Variants in PPP2R2B observed in about 807,000 individuals in gnomAD.
PPP2R2B encodes protein phosphatase 2 regulatory subunit Bbeta, also known as serine/threonine-protein phosphatase 2A 55 kDa regulatory subunit B beta isoform.
PPP2R2B carries 5 observed loss-of-function variants against 46.0 expected under a neutral mutation model. The observed-to-expected ratio is 0.11, with a 90% CI of 0.06 to 0.23. PPP2R2B has a LOEUF of 0.23. PPP2R2B is among the 10% of genes least tolerant of loss of function. The probability of loss-of-function intolerance (pLI) is 1.00; values close to 1 mark genes in which losing one functional copy is unlikely to be tolerated. For missense variants in PPP2R2B, 367 were observed against 575.0 expected (o/e 0.64, Z 3.70); for synonymous variants, 215 against 206.7 (o/e 1.04, Z -0.34).
chr5:146,746,197 T>C (rs1753182032), intron 2 of PPP2R2B, among the ~76,000 whole-genome samples: 1 of 152,182 alleles, frequency 6.6e-6, no homozygotes, highest in South Asian at 2.1e-4. Flanking sequence ...TCCACCACTG[T>C]GCATAATCCT....
chr5:146,624,958 A>G (rs1268408580), intron 7 of PPP2R2B, among the ~76,000 whole-genome samples: 1 of 152,164 alleles, frequency 6.6e-6, no homozygotes, highest in African/African-American at 2.4e-5. Context: ...CTAAATCTCA[A>G]TCTTATTTAT....
rs377160450 is a variant in PPP2R2B, at chr5:146,684,211, C to G, written c.447+6917G>C. 5.9e-5 allele frequency among the ~76,000 whole-genome samples: 9 copies of G among 152,204 alleles called. No homozygotes were observed. The East Asian group carries it at 1.7e-3, about 29-fold the overall frequency. ...AAGCCCCCAGAGCAGCAATAAATCA[C>G]AAAATGAAGTCTAAAAAAATTAAAA... On this transcript the variant is annotated intron_variant, in intron 5 of 9. Coordinates refer to ENST00000394411, the MANE Select transcript of PPP2R2B (RefSeq NM_181675.4).
chr5:146,913,140 T>C (rs1763252802), intron 1 of PPP2R2B, among the ~76,000 whole-genome samples: 1 of 152,230 alleles, frequency 6.6e-6, no homozygotes, highest in African/African-American at 2.4e-5. Context: ...TGAGTTTATA[T>C]TCGGCGGAAA....
intron 2 of PPP2R2B, among the ~76,000 whole-genome samples, chr5:146,781,131 G>GAT (rs56697862): frequency 0.02 from 1,002 of 49,178 alleles, 27 homozygotes; most frequent in African/African-American, 0.021. Flanking sequence ...ATGCCACCAT[G>GAT]ATATATATAT....
intron 1 of PPP2R2B, among the ~76,000 whole-genome samples, chr5:146,931,725 G>A (rs2151822368): frequency 6.6e-6 from 1 of 152,230 alleles, no homozygotes; most frequent in East Asian, 1.9e-4. Context: ...TCCAAAGTGA[G>A]GTTTGAGAAA....
At chr5:147,005,671 CAGAG>C (rs750474374) in intron 1 of PPP2R2B, among the ~76,000 whole-genome samples, 4 of 150,372 alleles carry the variant, frequency 2.7e-5, no homozygotes, top group African/African-American at 7.3e-5. Flanking sequence ...GACAGGAAGT[CAGAG>C]AGAGAGAGGA....
chr5:146,768,557 A>G (rs1056043845), intron 2 of PPP2R2B, among the ~76,000 whole-genome samples: 1 of 152,132 alleles, frequency 6.6e-6, no homozygotes, highest in African/African-American at 2.4e-5. Context: ...CTTATTTTGC[A>G]TCCTTTTTCC....
At chr5:146,705,776 C>T (rs1779800740) in intron 2 of PPP2R2B, among the ~76,000 whole-genome samples, 1 of 152,020 alleles carries the variant, frequency 6.6e-6, no homozygotes, top group Admixed American at 6.6e-5. Context: ...CTGGTTATGG[C>T]CAAACCCAAA....
rs916138977 is a variant in PPP2R2B, at chr5:146,871,977, G to A, written c.70+6025C>T. Among the ~76,000 whole-genome samples, 8 of 152,320 alleles carry A rather than the reference G, an allele frequency of 5.3e-5. No individual in the cohort carries two copies. The East Asian group carries it at 1.4e-3, about 26-fold the overall frequency. The stretch of plus-strand genomic sequence containing the variant: ...CCTAGGAAAATGCCTGGAATAGACA[G>A]TACTCGCGATACCTTAGTTTCTTTC... On this transcript the variant is annotated intron_variant, in intron 2 of 9. Coordinates refer to ENST00000394411, the MANE Select transcript of PPP2R2B (RefSeq NM_181675.4).
intron 5 of PPP2R2B, among the ~76,000 whole-genome samples, chr5:146,663,985 G>T (rs466411): frequency 0.76 from 114,923 of 151,924 alleles, 44,938 homozygotes; most frequent in Non-Finnish European, 0.86. Context: ...GGGATTACAG[G>T]CACGTGCCAC....
Position 147,080,454 on chromosome 5 carries a change from C to A in PPP2R2B, c.50+605G>T, listed in dbSNP as rs187972605. Reference sequence around the variant, plus strand: ...TCCAGTGTTTTGTAACGCAGACACCCTTAGGGAGAGTCATGGAGGTCTCCA... The same window carrying A: ...TCCAGTGTTTTGTAACGCAGACACCATTAGGGAGAGTCATGGAGGTCTCCA... On this transcript the variant is annotated intron_variant, in intron 2 of 10. Coordinates refer to the PPP2R2B transcript ENST00000394413. 1.8e-3 allele frequency among the ~76,000 whole-genome samples: 275 copies of A among 152,170 alleles called. 2 individuals are homozygous for A. The highest frequency in any genetic ancestry group is 6.2e-3 in the African/African-American group (259 of 41,514).
intron 7 of PPP2R2B, among the ~76,000 whole-genome samples, chr5:146,613,729 A>C: frequency 7.3e-6 from 1 of 136,288 alleles, no homozygotes; most frequent in Non-Finnish European, 1.5e-5. Context: ...GAGCCAAATC[A>C]TGAGTGAACT....
At chr5:146,864,396 C>CAAAA (rs34780019) in intron 2 of PPP2R2B, among the ~76,000 whole-genome samples, 3 of 31,312 alleles carry the variant, frequency 9.6e-5, no homozygotes, top group Non-Finnish European at 1.9e-4. Flanking sequence ...TAGTATTAAC[C>CAAAA]AAAAAAAAAA....
chr5:146,863,142 C>G (rs996571613), intron 2 of PPP2R2B, among the ~76,000 whole-genome samples: 3 of 152,054 alleles, frequency 2.0e-5, no homozygotes, highest in South Asian at 2.1e-4. Flanking sequence ...AAAAATACAT[C>G]TTGTTCACAA....
intron 2 of PPP2R2B, among the ~76,000 whole-genome samples, chr5:147,076,953 A>T (rs1299990732): frequency 6.6e-6 from 1 of 150,908 alleles, no homozygotes; most frequent in Non-Finnish European, 1.5e-5. Context: ...CATGTGAAGA[A>T]ATTCTAGTCT....
chr5:146,969,617 G>A (rs1017170697), intron 1 of PPP2R2B, among the ~76,000 whole-genome samples: 7 of 152,236 alleles, frequency 4.6e-5, no homozygotes, highest in Non-Finnish European at 8.8e-5. Flanking sequence ...CAGGTTGCCT[G>A]CCTGGTGGCA....
intron 9 of PPP2R2B, 29 bp from the exon 10 acceptor site, chr5:146,590,255 A>AG (rs745632634): frequency 3.9e-6 from 6 of 1,537,052 alleles, no homozygotes; most frequent in Admixed American, 1.8e-5. Flanking sequence ...AGGCAATGAC[A>AG]TATCTTCACT....
At chr5:146,780,795 T>C (rs1755462991) in intron 2 of PPP2R2B, among the ~76,000 whole-genome samples, 1 of 152,166 alleles carries the variant, frequency 6.6e-6, no homozygotes, top group African/African-American at 2.4e-5. Flanking sequence ...CAAGATCTAC[T>C]TCAAACACCA....
At chr5:146,815,554 T>G (rs73793281) in intron 2 of PPP2R2B, among the ~76,000 whole-genome samples, 3,540 of 152,358 alleles carry the variant, frequency 0.023, 38 homozygotes, top group Middle Eastern at 0.044. Flanking sequence ...AGTGAAATAC[T>G]TAAGAGGAAG....
Sources: allele counts gnomAD v4.1 joint callset (sites outside exome capture counted in the v4.1 genomes callset), GRCh38; gene constraint gnomAD v4.1.1; transcripts MANE v1.5; gene names NCBI Gene and HGNC (gene_info 2026-07-23, HGNC 2026-07-21).